RNF157: variants seen among roughly 807,000 people sequenced by gnomAD.
The protein encoded by RNF157 is ring finger protein 157, also known as E3 ubiquitin ligase RNF157.
In RNF157, 55 loss-of-function variants were observed where a neutral mutation model predicts 88.3. The ratio of observed to expected loss-of-function variants is 0.62; its 90% CI spans 0.50 to 0.78. The LOEUF is 0.78. Ranked by LOEUF, RNF157 falls within the 30% of genes least tolerant of loss-of-function variation. The pLI is 0.00. For synonymous variants in RNF157, 334 were observed against 341.2 expected (o/e 0.98, Z 0.23); for missense variants, 788 against 860.8 (o/e 0.92, Z 1.06).
chr17:76,231,657 C>T (rs1466370197), intron 1 of RNF157, among the ~76,000 whole-genome samples: 3 of 152,142 alleles, frequency 2.0e-5, no homozygotes, highest in African/African-American at 7.2e-5. Context: ...AAAAAGTCTA[C>T]CTTCAATGCC....
chr17:76,229,510 C>T (rs1205922950), intron 1 of RNF157, among the ~76,000 whole-genome samples: 1 of 152,230 alleles, frequency 6.6e-6, no homozygotes, highest in Non-Finnish European at 1.5e-5. Flanking sequence ...TCTCCCTTCC[C>T]ATACTCAACT....
At chr17:76,177,541 G>A (rs1170245040) in intron 2 of RNF157, among the ~76,000 whole-genome samples, 2 of 151,960 alleles carry the variant, frequency 1.3e-5, no homozygotes, top group Non-Finnish European at 2.9e-5. Flanking sequence ...GGAGAGGCGA[G>A]GGGGTGCTGA....
chr17:76,148,567 T>G (rs954796929), intron 18 of RNF157, among the ~76,000 whole-genome samples: 1 of 66,562 alleles, frequency 1.5e-5, no homozygotes, highest in East Asian at 2.9e-4. Context: ...GTGCCCCGCC[T>G]TTTTTTTTTT....
At chr17:76,184,624 T>A (rs2069250757) in intron 2 of RNF157, among the ~76,000 whole-genome samples, 1 of 152,196 alleles carries the variant, frequency 6.6e-6, no homozygotes, top group Non-Finnish European at 1.5e-5. Flanking sequence ...GCAGTAAACC[T>A]CTTTTCACTA....
chr17:76,193,822 G>A (rs904698867), intron 2 of RNF157, among the ~76,000 whole-genome samples: 1 of 152,146 alleles, frequency 6.6e-6, no homozygotes, highest in African/African-American at 2.4e-5. Flanking sequence ...TGAGGCTGCC[G>A]CACCCATAGT....
At chr17:76,181,907 CAA>C (rs36009510) in intron 2 of RNF157, among the ~76,000 whole-genome samples, 22 of 75,896 alleles carry the variant, frequency 2.9e-4, no homozygotes, top group Non-Finnish European at 5.2e-4. Flanking sequence ...GACTCTGTCT[CAA>C]AAAAAAAAAA....
At position 76,157,093 on chromosome 17, in the gene RNF157, A is replaced by T. The variant is rs2068778067; in HGVS notation, c.1414-772T>A. ...GCGATTCTCCTGCCTCAGCCTCCCG[A>T]GTAGCTGGGACTACAGGTGCATGCC... On this transcript the variant is annotated intron_variant, in intron 13 of 18. Transcript: ENST00000269391. This position sits in a 1 kb window ranked among gnomAD's most constrained non-coding sequence, Gnocchi z 5.6. Among the ~76,000 whole-genome samples, 1 of 151,792 alleles carries T rather than the reference A, an allele frequency of 6.6e-6. No homozygotes were observed. Among genetic ancestry groups the T allele is most frequent in the Non-Finnish European group, 1.5e-5 (1 of 67,958 alleles).
At chr17:76,236,328 T>C (rs1470749947) in intron 1 of RNF157, among the ~76,000 whole-genome samples, 4 of 152,232 alleles carry the variant, frequency 2.6e-5, no homozygotes, top group Admixed American at 2.6e-4. Context: ...TCTTCCTGGA[T>C]AGAGAAAACA....
chr17:76,156,065 C>G, intron 14 of RNF157, 145 bp downstream of exon 14: 1 of 659,716 alleles, frequency 1.5e-6, no homozygotes, highest in Non-Finnish European at 2.6e-6. Context: ...AAAGCAAGTC[C>G]TCTTCCCTCT....
rs759986748 is a variant in RNF157 at position 76,155,582 on chromosome 17, C to A, written c.1678G>T (p.Ala560Ser). ...ALSSPQPASR[A>S]PSEEGEGLPA... ...CTTACCTCTCCTTCTTCTGAGGGGGCCCTGCTGGCAGGCTGGGGGGAAGAG... is the reference window on the plus strand; with the variant it reads ...CTTACCTCTCCTTCTTCTGAGGGGGACCTGCTGGCAGGCTGGGGGGAAGAG... Residue 560 changes from alanine to serine, a missense_variant, in exon 15 of 19, where the codon GCC becomes TCC. By Grantham distance (99) the Ala-to-Ser change is moderately conservative. Coordinates refer to ENST00000269391, the MANE Select transcript of RNF157 (RefSeq NM_052916.3). 1.9e-6 allele frequency: 3 copies of A among 1,612,592 alleles called. No individual in the cohort carries two copies. The highest frequency in any genetic ancestry group is 2.2e-5 in the South Asian group (2 of 90,962).
rs1327487876 is a variant in RNF157 at position 76,165,521 on chromosome 17, A to C, written c.653T>G (p.Leu218Arg). ...ACTCACCTTCTCAAAAGTACCCAGC[A>C]GTACATGGCAATGGCCAAAATACTC... ...GDEYFGHCHV[L>R]LGTFEKHTDG... Residue 218 changes from leucine to arginine, a missense_variant, in exon 7 of 19, where the codon CTG (leucine) becomes CGG (arginine). Physicochemically the swap from Leu to Arg is moderately radical, Grantham distance 102 (BLOSUM62 -2). Transcript: ENST00000269391. 6.2e-7 allele frequency: 1 copy of C among 1,614,218 alleles called. No individual in the cohort carries two copies. Among genetic ancestry groups the C allele is most frequent in the Non-Finnish European group, 8.5e-7 (1 of 1,180,030 alleles).
At chr17:76,233,164 C>T (rs2070224004) in intron 1 of RNF157, among the ~76,000 whole-genome samples, 1 of 152,200 alleles carries the variant, frequency 6.6e-6, no homozygotes, top group African/African-American at 2.4e-5. Flanking sequence ...TCATGACCCA[C>T]CTGCCTCAGC....
chr17:76,158,561 C>A (rs537164618), intron 12 of RNF157, 60 bp from the exon 13 acceptor site: 2 of 1,212,284 alleles, frequency 1.6e-6, no homozygotes, highest in East Asian at 4.7e-5. Context: ...ACAGAACTTA[C>A]TGCAAGGGGA....
intron 2 of RNF157, among the ~76,000 whole-genome samples, chr17:76,196,420 C>T (rs2069478987): frequency 6.6e-6 from 1 of 152,202 alleles, no homozygotes; most frequent in South Asian, 2.1e-4. Context: ...GCTACTTCTT[C>T]ATCTGAATGC....
At position 76,225,659 on chromosome 17, in the gene RNF157, T is replaced by C. The variant is rs2070069052; in HGVS notation, c.89-13177A>G. ...TTGTTTTTAGTGGCCAAATAATATG[T>C]ATTTTTTTCCCTACAAAATAATTTA... On this transcript the variant is annotated intron_variant, in intron 1 of 18. Coordinates refer to ENST00000269391, the MANE Select transcript of RNF157 (RefSeq NM_052916.3). 3 of 1,120,734 alleles carry C rather than the reference T, an allele frequency of 2.7e-6. No homozygotes were observed. In the East Asian group the frequency reaches 8.2e-5, roughly 31 times the overall value. 69.4% of individuals were successfully genotyped at this position (1,120,734 alleles called of 1,614,324 possible).
At position 76,223,189 on chromosome 17, in the gene RNF157, CT is replaced by C. The variant is rs753507516; in HGVS notation, c.89-10708del. Among the ~76,000 whole-genome samples the C allele has an allele frequency of 7.8e-3, 1,047 of 134,840 alleles. 3 individuals are homozygous for C. The highest frequency in any genetic ancestry group is 0.02 in the Middle Eastern group (5 of 248). 88.5% of individuals were successfully genotyped at this position (134,840 alleles called of 152,430 possible). A position where few individuals can be genotyped will look rare whatever the true frequency, so the allele number is the denominator to read the frequency against. ...ACAGGGGTGAGCCACCGCACCCGGC[CT>C]TTTTTTTTTTTTTTTGAGACGTAGT... On this transcript the variant is annotated intron_variant, in intron 1 of 18. Coordinates refer to ENST00000269391, the MANE Select transcript of RNF157 (RefSeq NM_052916.3).
intron 17 of RNF157, among the ~76,000 whole-genome samples, chr17:76,152,760 A>G (rs2068700391): frequency 2.0e-5 from 3 of 152,228 alleles, no homozygotes; most frequent in Non-Finnish European, 4.4e-5. Context: ...TACTAGAGCG[A>G]GCAGAGCTGG....
At chr17:76,172,651 AAT>A (rs142019894) in intron 3 of RNF157, among the ~76,000 whole-genome samples, 88 of 143,964 alleles carry the variant, frequency 6.1e-4, no homozygotes, top group East Asian at 7.9e-4. Flanking sequence ...CTCTGTCTCA[AAT>A]ATATATATAT....
Position 76,145,077 on chromosome 17 carries a change from CCTCT to C in RNF157, c.*154_*157del. ...CACGGAGAAAGGAGGGTTCCAGTTC[CCTCT>C]GAGAGGTGAGGGATTGTGGTTACAG... On this transcript the variant is annotated 3_prime_UTR_variant, in exon 19 of 19. Transcript: ENST00000269391. 1 of 583,600 alleles carries C rather than the reference CCTCT, an allele frequency of 1.7e-6. No individual in the cohort carries two copies. Among genetic ancestry groups the C allele is most frequent in the East Asian group, 2.9e-5 (1 of 35,032 alleles). 36.2% of individuals were successfully genotyped at this position (583,600 alleles called of 1,614,324 possible). A position where few individuals can be genotyped will look rare whatever the true frequency, so the allele number is the denominator to read the frequency against.
Sources: gnomAD v4.1 joint callset for allele counts (sites outside exome capture counted in the v4.1 genomes callset) on GRCh38, gnomAD v4.1.1 for gene constraint, Gnocchi (gnomAD v3.1) non-coding constraint, MANE v1.5 for transcripts, NCBI Gene and HGNC (gene_info 2026-07-23, HGNC 2026-07-21) for gene names.